Variants in FAM13A observed in about 807,000 individuals in gnomAD.
FAM13A encodes the protein protein FAM13A.
In FAM13A, 76 loss-of-function variants were observed where a neutral mutation model predicts 129.6. The ratio of observed to expected loss-of-function variants is 0.59; its 90% CI spans 0.49 to 0.71. The LOEUF (loss-of-function observed/expected upper bound fraction) is 0.71. FAM13A is among the 30% of genes least tolerant of loss of function. The probability of loss-of-function intolerance (pLI) is 0.00; values close to 1 mark genes in which losing one functional copy is unlikely to be tolerated. For missense variants in FAM13A, 1,108 were observed against 1,249.3 expected, an observed-to-expected ratio of 0.89 and a Z score of 1.70; for synonymous variants, 443 against 449.9, an observed-to-expected ratio of 0.98 and a Z score of 0.20.
intron 7 of FAM13A, among the ~76,000 whole-genome samples, chr4:88,839,029 C>T (rs1256981097): frequency 6.6e-6 from 1 of 151,178 alleles, no homozygotes; most frequent in Non-Finnish European, 1.5e-5. Flanking sequence ...ATTAAATGTT[C>T]TCTCTATATA....
chr4:88,791,730 T>C (rs79086848), intron 8 of FAM13A, among the ~76,000 whole-genome samples: 1,760 of 152,252 alleles, frequency 0.012, 34 homozygotes, highest in African/African-American at 0.04. Flanking sequence ...TTATACGATA[T>C]AATTTTCAAC....
intron 6 of FAM13A, among the ~76,000 whole-genome samples, chr4:88,859,616 A>G (rs893626967): frequency 6.6e-6 from 1 of 152,190 alleles, no homozygotes; most frequent in Admixed American, 6.5e-5. Flanking sequence ...CAAGAGAGGA[A>G]GCATGAAGGG....
intron 4 of FAM13A, among the ~76,000 whole-genome samples, chr4:88,974,466 C>T (rs1313886277): frequency 6.6e-6 from 1 of 151,918 alleles, no homozygotes; most frequent in Non-Finnish European, 1.5e-5. Flanking sequence ...CAAAAGTCAC[C>T]TGATTTATTT....
At chr4:88,969,024 C>T (rs1245363048) in intron 4 of FAM13A, among the ~76,000 whole-genome samples, 4 of 152,052 alleles carry the variant, frequency 2.6e-5, no homozygotes, top group Admixed American at 6.6e-5. Context: ...TCATTGAATG[C>T]TATTAAGTCT....
At chr4:88,915,812 T>A (rs1342770511) in intron 5 of FAM13A, among the ~76,000 whole-genome samples, 3 of 152,170 alleles carry the variant, frequency 2.0e-5, no homozygotes, top group African/African-American at 7.2e-5. Context: ...AATTCATTTG[T>A]GGATTAATAG....
intron 3 of FAM13A, among the ~76,000 whole-genome samples, chr4:89,010,739 C>T (rs1765617995): frequency 1.3e-5 from 2 of 152,194 alleles, no homozygotes; most frequent in Non-Finnish European, 2.9e-5. Flanking sequence ...TCATGTGGTT[C>T]TGTGGACCCC....
At chr4:89,031,941 CA>C (rs1768730737) in intron 1 of FAM13A, among the ~76,000 whole-genome samples, 1 of 152,184 alleles carries the variant, frequency 6.6e-6, no homozygotes, top group East Asian at 1.9e-4. Context: ...GAATTAGGGC[CA>C]GGCACGGTGG....
At chr4:88,801,112 T>A (rs774445762) in intron 8 of FAM13A, among the ~76,000 whole-genome samples, 2 of 151,862 alleles carry the variant, frequency 1.3e-5, no homozygotes, top group African/African-American at 4.8e-5. Flanking sequence ...CTCAGAAAAA[T>A]TACCTAAAAA....
At chr4:88,741,232 A>G (rs963545827) in intron 19 of FAM13A, among the ~76,000 whole-genome samples, 7 of 152,246 alleles carry the variant, frequency 4.6e-5, no homozygotes, top group Admixed American at 6.5e-5. Flanking sequence ...CAAACTGGAA[A>G]TAGTCCCAAA....
At chr4:89,004,337 C>T (rs1044424045) in intron 3 of FAM13A, among the ~76,000 whole-genome samples, 1 of 152,036 alleles carries the variant, frequency 6.6e-6, no homozygotes, top group South Asian at 2.1e-4. Context: ...TGGGGTCTTG[C>T]CATGTCAGCC....
chr4:88,842,682 G>C (rs1172806467), intron 7 of FAM13A, among the ~76,000 whole-genome samples: 3 of 152,180 alleles, frequency 2.0e-5, no homozygotes, highest in East Asian at 3.8e-4. Context: ...ATTCAGCTAA[G>C]ATCACAGGAG....
intron 6 of FAM13A, among the ~76,000 whole-genome samples, chr4:88,873,642 A>T (rs1741830955): frequency 6.6e-6 from 1 of 152,178 alleles, no homozygotes; most frequent in South Asian, 2.1e-4. Context: ...AATTGAGGCA[A>T]TAATTAATAG....
intron 6 of FAM13A, among the ~76,000 whole-genome samples, chr4:88,897,026 G>A (rs934377059): frequency 2.0e-5 from 3 of 152,138 alleles, no homozygotes; most frequent in South Asian, 2.1e-4. Flanking sequence ...AAGGAAGATC[G>A]TTTTCTTCCC....
intron 1 of FAM13A, among the ~76,000 whole-genome samples, chr4:89,049,996 G>A (rs1771347421): frequency 6.6e-6 from 1 of 152,168 alleles, no homozygotes; most frequent in Non-Finnish European, 1.5e-5. Context: ...AATAAGATAC[G>A]ATCTTTTCTG....
chr4:88,784,262 T>C (rs1404812251), intron 10 of FAM13A, among the ~76,000 whole-genome samples: 2 of 152,190 alleles, frequency 1.3e-5, no homozygotes, highest in African/African-American at 4.8e-5. Flanking sequence ...CTGGATGCGA[T>C]ATCTGTTTTT....
chr4:88,971,191 C>G (rs577410445), intron 4 of FAM13A, among the ~76,000 whole-genome samples: 13 of 152,284 alleles, frequency 8.5e-5, no homozygotes, highest in African/African-American at 2.6e-4. Context: ...GCACTCCAGC[C>G]TGGGCGACAG....
rs542587720 is a variant in FAM13A, at chr4:88,803,351, C to T, written c.1049+1660G>A. On this transcript the variant is annotated intron_variant, in intron 8 of 23. Coordinates refer to ENST00000264344, the MANE Select transcript of FAM13A (RefSeq NM_014883.4). ...ATTTTATCATATTTAATTTTTATGA[C>T]TCAACATTGAAAATATCAAGTAGCT... 2.3e-3 allele frequency among the ~76,000 whole-genome samples: 345 copies of T among 152,042 alleles called. 1 individual carries two copies. The highest frequency in any genetic ancestry group is 6.0e-3 in the South Asian group (29 of 4,826).
chr4:89,028,659 C>G (rs1291787797), intron 2 of FAM13A, among the ~76,000 whole-genome samples: 2 of 152,006 alleles, frequency 1.3e-5, no homozygotes, highest in African/African-American at 2.4e-5. Flanking sequence ...TCACTGCACT[C>G]TGGCCTGGGT....
chr4:88,838,549 T>C (rs10023099), intron 7 of FAM13A, among the ~76,000 whole-genome samples: 50,986 of 151,366 alleles, frequency 0.34, 8,978 homozygotes, highest in South Asian at 0.55. Context: ...CACGGTGAAA[T>C]CCCGCCTCTA....
Sources: allele counts gnomAD v4.1 joint callset (sites outside exome capture counted in the v4.1 genomes callset), GRCh38; gene constraint gnomAD v4.1.1; transcripts MANE v1.5; gene names NCBI Gene and HGNC (gene_info 2026-07-23, HGNC 2026-07-21).